DDHD1: variants seen among roughly 807,000 people sequenced by gnomAD.
The protein encoded by DDHD1 is DDHD domain containing 1.
A neutral mutation model predicts 96.4 loss-of-function variants in DDHD1; 49 were observed. The observed-to-expected ratio is 0.51, with a 90% CI of 0.40 to 0.64. DDHD1 has a LOEUF of 0.64. Among genes scored for constraint, DDHD1 ranks in the 30% least tolerant of loss-of-function variants. The pLI is 0.00. For missense variants in DDHD1, 1,106 were observed against 1,161.2 expected, an observed-to-expected ratio of 0.95 and a Z score of 0.69; for synonymous variants, 442 against 446.5, an observed-to-expected ratio of 0.99 and a Z score of 0.13.
intron 1 of DDHD1, among the ~76,000 whole-genome samples, chr14:53,132,927 C>A (rs1889982976): frequency 6.6e-6 from 1 of 152,190 alleles, no homozygotes; most frequent in African/African-American, 2.4e-5. Context: ...CACCTACTCT[C>A]CCACTGAAAC....
intron 1 of DDHD1, among the ~76,000 whole-genome samples, chr14:53,130,050 T>C (rs1365035653): frequency 1.3e-5 from 2 of 152,184 alleles, no homozygotes; most frequent in African/African-American, 4.8e-5. Context: ...CTGAGTCCTT[T>C]GAATCCTCCT....
At chr14:53,089,446 G>A (rs1264124003) in intron 4 of DDHD1, among the ~76,000 whole-genome samples, 1 of 152,112 alleles carries the variant, frequency 6.6e-6, no homozygotes, top group East Asian at 1.9e-4. Context: ...AAAACAGCAT[G>A]GTACTGGTAT....
chr14:53,039,084 G>C lies in DDHD1; in HGVS notation c.*7684C>G, dbSNP rs1460040038. ...TTAATTTGAACTCTTTTGGATCCAAGAGACAGAGACCCACCTCAGAATAGT... is the reference window on the plus strand; with the variant it reads ...TTAATTTGAACTCTTTTGGATCCAACAGACAGAGACCCACCTCAGAATAGT... On this transcript the variant is annotated 3_prime_UTR_variant, in exon 13 of 13. Transcript: ENST00000673822. 2 of 152,200 alleles carry C rather than the reference G, an allele frequency of 1.3e-5. No homozygotes were observed. The highest frequency in any genetic ancestry group is 2.9e-5 in the Non-Finnish European group (2 of 68,028). 9.4% of individuals were successfully genotyped at this position (152,200 alleles called of 1,614,324 possible). A position where few individuals can be genotyped will look rare whatever the true frequency, so the allele number is the denominator to read the frequency against.
chr14:53,082,706 C>A (rs1275991582), intron 4 of DDHD1, among the ~76,000 whole-genome samples: 1 of 149,890 alleles, frequency 6.7e-6, no homozygotes, highest in African/African-American at 2.5e-5. Flanking sequence ...CTGCAGTGAG[C>A]CAAGATCATG....
intron 6 of DDHD1, among the ~76,000 whole-genome samples, chr14:53,071,723 T>A (rs1884522821): frequency 6.6e-6 from 1 of 152,128 alleles, no homozygotes; most frequent in Admixed American, 6.6e-5. Flanking sequence ...CAGTCTGCAG[T>A]AAAGTGGCCC....
At chr14:53,114,592 C>G (rs953671951) in intron 1 of DDHD1, among the ~76,000 whole-genome samples, 11 of 152,224 alleles carry the variant, frequency 7.2e-5, no homozygotes, top group Non-Finnish European at 8.8e-5. Context: ...TCAACAGGGT[C>G]TGGAGTGGAC....
At chr14:53,115,154 G>A (rs1177173553) in intron 1 of DDHD1, among the ~76,000 whole-genome samples, 1 of 151,996 alleles carries the variant, frequency 6.6e-6, no homozygotes, top group Non-Finnish European at 1.5e-5. Flanking sequence ...ACTGAAACAA[G>A]GCATGAAGAA....
chr14:53,145,348 T>A (rs1168403573), intron 1 of DDHD1, among the ~76,000 whole-genome samples: 1 of 151,648 alleles, frequency 6.6e-6, no homozygotes, highest in African/African-American at 2.4e-5. Flanking sequence ...GTAATAATTT[T>A]AAAAATTAGC....
intron 4 of DDHD1, among the ~76,000 whole-genome samples, chr14:53,084,120 C>A: frequency 6.6e-6 from 1 of 152,140 alleles, no homozygotes; most frequent in Non-Finnish European, 1.5e-5. Flanking sequence ...TAGTCACTAG[C>A]TAATGCACAG....
chr14:53,049,575 C>T (rs140872926), intron 12 of DDHD1, among the ~76,000 whole-genome samples: 1,522 of 146,008 alleles, frequency 0.01, 31 homozygotes, highest in African/African-American at 0.037. Flanking sequence ...CTAGGACCTA[C>T]TTTCTCATTA....
At chr14:53,128,402 T>C (rs963006752) in intron 1 of DDHD1, among the ~76,000 whole-genome samples, 3 of 152,210 alleles carry the variant, frequency 2.0e-5, no homozygotes, top group African/African-American at 7.2e-5. Flanking sequence ...ATTTGGTGTC[T>C]GGTGAGGGTC....
chr14:53,061,225 T>A lies in DDHD1; in HGVS notation c.1767-24A>T, dbSNP rs199730320. On this transcript the variant is annotated intron_variant, in intron 7 of 12. Coordinates refer to ENST00000673822, the MANE Select transcript of DDHD1 (RefSeq NM_001160148.2). ...GCCTAAGAAGGGGTATGAGATTATA[T>A]ACACACACGTATTTATAATTTCATA... The A allele has an allele frequency of 1.0e-5, 16 of 1,573,726 alleles. No homozygotes were observed. In the East Asian group the frequency reaches 3.6e-4, roughly 35 times the overall value.
chr14:53,066,264 G>A (rs1884001498), intron 6 of DDHD1, among the ~76,000 whole-genome samples: 1 of 152,100 alleles, frequency 6.6e-6, no homozygotes, highest in South Asian at 2.1e-4. Flanking sequence ...TGCTTCTCCT[G>A]CCTCAGCCTC....
chr14:53,059,772 G>A (rs1467931823), intron 8 of DDHD1, among the ~76,000 whole-genome samples: 3 of 145,946 alleles, frequency 2.1e-5, no homozygotes, highest in Non-Finnish European at 4.5e-5. Flanking sequence ...GCTGAGGCAG[G>A]AGAATCACTT....
intron 4 of DDHD1, among the ~76,000 whole-genome samples, chr14:53,075,073 C>T (rs968658953): frequency 6.6e-6 from 1 of 152,120 alleles, no homozygotes; most frequent in Non-Finnish European, 1.5e-5. Flanking sequence ...TGAGACACAA[C>T]AATATTGAGA....
intron 2 of DDHD1, among the ~76,000 whole-genome samples, chr14:53,101,475 T>A (rs748786914): frequency 5.9e-5 from 9 of 152,068 alleles, no homozygotes; most frequent in Non-Finnish European, 8.8e-5. Context: ...AAAAACAAAT[T>A]TTCTTCTAAT....
intron 1 of DDHD1, among the ~76,000 whole-genome samples, chr14:53,133,692 G>C (rs553873606): frequency 6.6e-6 from 1 of 152,194 alleles, no homozygotes; most frequent in African/African-American, 2.4e-5. Context: ...TTTTTCATTA[G>C]GCCCCAGTCT....
At chr14:53,122,880 G>A (rs965089565) in intron 1 of DDHD1, among the ~76,000 whole-genome samples, 3 of 151,326 alleles carry the variant, frequency 2.0e-5, no homozygotes, top group African/African-American at 4.9e-5. Flanking sequence ...AATTCTTTAT[G>A]TTATACTCTC....
At chr14:53,084,807 G>A (rs540576197) in intron 4 of DDHD1, among the ~76,000 whole-genome samples, 83 of 152,306 alleles carry the variant, frequency 5.4e-4, no homozygotes, top group African/African-American at 1.9e-3. Flanking sequence ...AGGGCAAGCC[G>A]AAGCAGGGTG....
Sources: gnomAD v4.1 joint callset for allele counts (sites outside exome capture counted in the v4.1 genomes callset) on GRCh38, gnomAD v4.1.1 for gene constraint, MANE v1.5 for transcripts, NCBI Gene and HGNC (gene_info 2026-07-23, HGNC 2026-07-21) for gene names.